The following XRRA1 variants were observed in gnomAD, a reference collection of about 807,000 sequenced individuals.
XRRA1 encodes X-ray radiation resistance-associated protein 1.
In XRRA1, 69 loss-of-function variants were observed where a neutral mutation model predicts 80.2. The ratio of observed to expected loss-of-function variants is 0.86; its 90% CI spans 0.71 to 1.05. The LOEUF (loss-of-function observed/expected upper bound fraction) is 1.05, where lower values mean the gene tolerates loss of function less well. Among genes scored for constraint, XRRA1 ranks in the 50% least tolerant of loss-of-function variants. XRRA1 has a pLI of 0.00. For missense variants in XRRA1, 967 were observed against 976.4 expected, an observed-to-expected ratio of 0.99 and a Z score of 0.13; for synonymous variants, 348 against 389.9, an observed-to-expected ratio of 0.89 and a Z score of 1.27.
intron 10 of XRRA1, among the ~76,000 whole-genome samples, chr11:74,890,144 G>T (rs562581496): frequency 6.6e-6 from 1 of 152,270 alleles, no homozygotes; most frequent in South Asian, 2.1e-4. Flanking sequence ...TGACCACACA[G>T]TTGGAAGTAA....
Position 74,859,192 on chromosome 11 carries a change from G to A in XRRA1, c.1136C>T (p.Pro379Leu), listed in dbSNP as rs986005021. The change falls in exon 12 of 19, where the codon CCA becomes CTA. Residue 379 changes from proline (P) to leucine (L), a missense_variant. Physicochemically the swap from Pro to Leu is moderately conservative, Grantham distance 98. Coordinates refer to ENST00000684022, the MANE Select transcript of XRRA1 (RefSeq NM_001378157.1). ...GGCCAGGCTAAGGTATCTCAGCTCT[G>A]GGAAGGGTGGGGCCAGCGTCTGGTT... is the stretch of plus-strand genomic sequence containing the variant. Reference protein sequence around the residue: ...ARNQTLAPPFPELRYLSLAYN... With the variant: ...ARNQTLAPPFLELRYLSLAYN... The A allele has an allele frequency of 6.2e-7, 1 of 1,609,102 alleles. No individual in the cohort carries two copies. Among genetic ancestry groups the A allele is most frequent in the Non-Finnish European group, 8.5e-7 (1 of 1,178,080 alleles).
At chr11:74,902,269 A>G (rs1044704851) in intron 10 of XRRA1, among the ~76,000 whole-genome samples, 8 of 152,216 alleles carry the variant, frequency 5.3e-5, no homozygotes, top group African/African-American at 1.9e-4. Context: ...GCAATAACAA[A>G]TGCTGGTGAG....
At chr11:74,945,164 G>A (rs1289088069) in intron 1 of XRRA1, 79 bp from the exon 2 acceptor site, 3 of 152,196 alleles carry the variant, frequency 2.0e-5, no homozygotes, top group Non-Finnish European at 4.4e-5. Context: ...ATTCTACTGT[G>A]AGCCTTCCAC....
chr11:74,889,512 C>T (rs2050058703), intron 10 of XRRA1, among the ~76,000 whole-genome samples: 1 of 152,142 alleles, frequency 6.6e-6, no homozygotes, highest in Non-Finnish European at 1.5e-5. Context: ...GCAAAATAAC[C>T]AGCTAACATC....
Position 74,936,950 on chromosome 11 carries a change from C to T in XRRA1, c.213G>A (p.Gly71=). 1 of 1,613,878 alleles carries T rather than the reference C, an allele frequency of 6.2e-7. No homozygotes were observed. The highest frequency in any genetic ancestry group is 8.5e-7 in the Non-Finnish European group (1 of 1,179,886). The part of the protein sequence containing the change: ...SLKATSFEFK[G]KKESRRENQV... ...GATTTTCCCGCCGAGACTCTTTCTT[C>T]CCCTTGAACTCAAAAGAAGTCGCCT... Residue 71 remains glycine (G), a synonymous_variant, in exon 4 of 19, where the codon GGG becomes GGA. Transcript: ENST00000684022.
At position 74,841,097 on chromosome 11, in the gene XRRA1, G is replaced by A. The variant is rs926698361; in HGVS notation, c.*2103C>T. 1 of 151,784 alleles carries A rather than the reference G, an allele frequency of 6.6e-6. No homozygotes were observed. The highest frequency in any genetic ancestry group is 2.4e-5 in the African/African-American group (1 of 41,284). 9.4% of individuals were successfully genotyped at this position (151,784 alleles called of 1,614,324 possible). ...TCTTGGAAAGTGATATATTTTGATT[G>A]GAATAATTTTAATTAAATTTAATGA... is the stretch of plus-strand genomic sequence containing the variant. On this transcript the variant is annotated 3_prime_UTR_variant, in exon 19 of 19. Coordinates refer to ENST00000684022, the MANE Select transcript of XRRA1 (RefSeq NM_001378157.1).
At chr11:74,936,569 G>A (rs1945030759) in intron 4 of XRRA1, among the ~76,000 whole-genome samples, 1 of 152,180 alleles carries the variant, frequency 6.6e-6, no homozygotes, top group Admixed American at 6.5e-5. Context: ...TTCTAATCCT[G>A]GATCAGCCAT....
chr11:74,858,242 C>T (rs1212541267), intron 12 of XRRA1, among the ~76,000 whole-genome samples: 1 of 152,132 alleles, frequency 6.6e-6, no homozygotes, highest in Non-Finnish European at 1.5e-5. Flanking sequence ...AGAAGAGGGA[C>T]CTGTGATACA....
At chr11:74,931,230 C>A (rs998339871) in intron 5 of XRRA1, among the ~76,000 whole-genome samples, 2 of 152,022 alleles carry the variant, frequency 1.3e-5, no homozygotes, top group African/African-American at 4.8e-5. Flanking sequence ...CATTCTGCAA[C>A]CTGCCTTTTC....
intron 10 of XRRA1, among the ~76,000 whole-genome samples, chr11:74,884,561 C>G (rs983602702): frequency 7.9e-5 from 12 of 152,198 alleles, no homozygotes; most frequent in African/African-American, 2.7e-4. Flanking sequence ...TATAAAAACC[C>G]CTGCATTTCA....
At chr11:74,915,129 A>C (rs922327050) in intron 8 of XRRA1, among the ~76,000 whole-genome samples, 47 of 152,248 alleles carry the variant, frequency 3.1e-4, no homozygotes, top group African/African-American at 1.1e-3. Flanking sequence ...TCTTCTAAGC[A>C]GGCAGAACTT....
intron 15 of XRRA1, among the ~76,000 whole-genome samples, chr11:74,846,502 G>GT (rs2038201571): frequency 6.6e-6 from 1 of 152,120 alleles, no homozygotes; most frequent in Non-Finnish European, 1.5e-5. Flanking sequence ...ATACAAAGCA[G>GT]TATCACTTAT....
intron 10 of XRRA1, among the ~76,000 whole-genome samples, chr11:74,877,347 G>A (rs993630282): frequency 3.3e-5 from 5 of 152,062 alleles, no homozygotes; most frequent in Non-Finnish European, 5.9e-5. Context: ...AAAGTACAGC[G>A]ACATCTGGTG....
chr11:74,852,838 G>A (rs2040214876), intron 12 of XRRA1, among the ~76,000 whole-genome samples: 1 of 152,100 alleles, frequency 6.6e-6, no homozygotes, highest in Non-Finnish European at 1.5e-5. Context: ...GGATCGAAGG[G>A]GTCAGGAGTC....
At chr11:74,928,601 C>A (rs1004193539) in intron 6 of XRRA1, among the ~76,000 whole-genome samples, 2 of 152,136 alleles carry the variant, frequency 1.3e-5, no homozygotes, top group Non-Finnish European at 2.9e-5. Flanking sequence ...TGAAGAGAAA[C>A]TCCTGATGCT....
At chr11:74,948,453 C>T (rs1948100277) in intron 1 of XRRA1, among the ~76,000 whole-genome samples, 3 of 152,090 alleles carry the variant, frequency 2.0e-5, no homozygotes. Flanking sequence ...CCCCTGTATC[C>T]GTTAGTACAA....
In XRRA1 at chr11:74,844,162, G is replaced by T. The variant is rs1423354028; in HGVS notation, c.2043+6C>A. On this transcript the variant is annotated splice_donor_region_variant and intron_variant, in intron 17 of 18. Transcript: ENST00000684022. ...CATTTACACATTCAGTGAGCTGGATGTTTACCCGTTTCTCTTTGTGAACAT... is the reference window on the plus strand; with the variant it reads ...CATTTACACATTCAGTGAGCTGGATTTTTACCCGTTTCTCTTTGTGAACAT... 6.2e-7 allele frequency: 1 copy of T among 1,612,398 alleles called. No individual in the cohort carries two copies. Among genetic ancestry groups the T allele is most frequent in the South Asian group, 1.1e-5 (1 of 91,052 alleles).
At position 74,916,222 on chromosome 11, in the gene XRRA1, A is replaced by T. The variant is rs1482786163; in HGVS notation, c.656+4992T>A. Among the ~76,000 whole-genome samples the T allele has an allele frequency of 2.6e-5, 4 of 152,156 alleles. No individual in the cohort carries two copies. In the East Asian group the frequency reaches 7.7e-4, roughly 29 times the overall value. The stretch of plus-strand genomic sequence containing the variant: ...TTCATGTCATTCATCAAACTTGGGA[A>T]GTTTTAGGCTATTATTTCTTCAAAT... On this transcript the variant is annotated intron_variant, in intron 8 of 18. Transcript: ENST00000684022.
At chr11:74,880,563 A>C (rs1462565093) in intron 10 of XRRA1, among the ~76,000 whole-genome samples, 1 of 149,492 alleles carries the variant, frequency 6.7e-6, no homozygotes, top group Non-Finnish European at 1.5e-5. Flanking sequence ...TAGGGTGTCA[A>C]TTTTGGATCT....
Sources: gnomAD v4.1 joint callset for allele counts (sites outside exome capture counted in the v4.1 genomes callset) on GRCh38, gnomAD v4.1.1 for gene constraint, MANE v1.5 for transcripts, NCBI Gene and HGNC (gene_info 2026-07-23, HGNC 2026-07-21) for gene names.